Variants in SGMS2 observed in about 807,000 individuals in gnomAD.
SGMS2 encodes the protein phosphatidylcholine:ceramide cholinephosphotransferase 2.
A neutral mutation model predicts 43.8 loss-of-function variants in SGMS2; 21 were observed. The observed-to-expected ratio is 0.48, with a 90% CI of 0.34 to 0.69. SGMS2 has a LOEUF of 0.69. Among genes scored for constraint, SGMS2 ranks in the 30% least tolerant of loss-of-function variants. The probability of loss-of-function intolerance (pLI) is 0.01; values close to 1 mark genes in which losing one functional copy is unlikely to be tolerated. For missense variants in SGMS2, 384 were observed against 443.2 expected (o/e 0.87, Z 1.20); for synonymous variants, 167 against 160.6 (o/e 1.04, Z -0.30).
intron 4 of SGMS2, among the ~76,000 whole-genome samples, chr4:107,900,256 G>A (rs1731008962): frequency 6.6e-6 from 1 of 152,134 alleles, no homozygotes; most frequent in East Asian, 1.9e-4. Flanking sequence ...CCATGTGGAC[G>A]GCATGAGAGC....
chr4:107,894,894 G>GT (rs1287423507), intron 2 of SGMS2, among the ~76,000 whole-genome samples: 1 of 152,138 alleles, frequency 6.6e-6, no homozygotes, highest in African/African-American at 2.4e-5. Context: ...CCTCTTACCA[G>GT]TTTTTTATTC....
At chr4:107,828,435 G>T (rs1430911969) in intron 1 of SGMS2, among the ~76,000 whole-genome samples, 1 of 152,158 alleles carries the variant, frequency 6.6e-6, no homozygotes, top group Non-Finnish European at 1.5e-5. Context: ...CTACAAAAAT[G>T]GGTTCATTCT....
rs574825034 is a variant in SGMS2, at chr4:107,849,465, C to T, written c.-326-9007C>T. Among the ~76,000 whole-genome samples, 16 of 152,048 alleles carry T rather than the reference C, an allele frequency of 1.1e-4. No homozygotes were observed. In the East Asian group the frequency reaches 1.2e-3, roughly 11 times the overall value. On this transcript the variant is annotated intron_variant, in intron 1 of 6. Transcript: ENST00000690982. The stretch of plus-strand genomic sequence containing the variant: ...CTTGTAGCTGTTGTATTGGACAGTC[C>T]GGCAATAGAAAGTCAGAACAAATTT...
At chr4:107,847,238 T>C (rs1181335627) in intron 1 of SGMS2, among the ~76,000 whole-genome samples, 10 of 152,188 alleles carry the variant, frequency 6.6e-5, no homozygotes, top group Admixed American at 1.3e-4. Context: ...AGGGTTTTTA[T>C]GGTTTTAGGT....
Position 107,910,630 on chromosome 4 carries a change from T to A in SGMS2, c.*77T>A. 1 of 1,373,042 alleles carries A rather than the reference T, an allele frequency of 7.3e-7. No individual in the cohort carries two copies. The highest frequency in any genetic ancestry group is 9.9e-7 in the Non-Finnish European group (1 of 1,008,594). 85.1% of individuals were successfully genotyped at this position (1,373,042 alleles called of 1,614,324 possible). A position where few individuals can be genotyped will look rare whatever the true frequency, so the allele number is the denominator to read the frequency against. On this transcript the variant is annotated 3_prime_UTR_variant, in exon 7 of 7. Coordinates refer to ENST00000690982, the MANE Select transcript of SGMS2 (RefSeq NM_001375905.1). ...CAAAGGTATAGTTTTGTTTTTTATT[T>A]TAGGAGAACTGACTGGTAAATGAAG...
intron 3 of SGMS2, among the ~76,000 whole-genome samples, chr4:107,896,528 T>C (rs1237383922): frequency 6.6e-6 from 1 of 152,126 alleles, no homozygotes; most frequent in African/African-American, 2.4e-5. Context: ...TGTGTGGATG[T>C]GGTTTCGGTT....
chr4:107,904,098 C>T lies in SGMS2; in HGVS notation c.727+712C>T, dbSNP rs1166609441. On this transcript the variant is annotated intron_variant, in intron 5 of 6. Coordinates refer to ENST00000690982, the MANE Select transcript of SGMS2 (RefSeq NM_001375905.1). ...TTGTAGGGTTGTACTGTTTTAGCTG[C>T]CCAGTAGGTCTCATTTTTATATATT... 3.3e-5 allele frequency among the ~76,000 whole-genome samples: 5 copies of T among 152,070 alleles called. No homozygotes were observed. The East Asian group carries it at 9.6e-4, about 29-fold the overall frequency.
chr4:107,905,758 C>T (rs1731502894), intron 5 of SGMS2, among the ~76,000 whole-genome samples: 1 of 152,196 alleles, frequency 6.6e-6, no homozygotes, highest in Non-Finnish European at 1.5e-5. Flanking sequence ...GAATAGTCTA[C>T]TTATCTATAA....
At chr4:107,909,875 C>A (rs975997940) in intron 6 of SGMS2, among the ~76,000 whole-genome samples, 15 of 152,272 alleles carry the variant, frequency 9.9e-5, no homozygotes, top group African/African-American at 3.6e-4. Flanking sequence ...TACTTTATTT[C>A]TCTTTGTAGC....
intron 2 of SGMS2, chr4:107,873,574 ATAT>A (rs1429965442): frequency 6.6e-6 from 1 of 151,684 alleles, no homozygotes; most frequent in Non-Finnish European, 1.5e-5. Flanking sequence ...TATATTTTAT[ATAT>A]TATTAATCTA....
intron 2 of SGMS2, among the ~76,000 whole-genome samples, chr4:107,874,949 A>G (rs192251705): frequency 3.3e-5 from 5 of 152,186 alleles, no homozygotes; most frequent in East Asian, 1.9e-4. Context: ...GCAGAAGCCA[A>G]TCTCTGAAGC....
chr4:107,852,239 AT>A (rs982103122), intron 1 of SGMS2, among the ~76,000 whole-genome samples: 689 of 145,270 alleles, frequency 4.7e-3, no homozygotes, highest in Non-Finnish European at 6.0e-3. Context: ...CACCCAGCTA[AT>A]TTTTTTTTTT....
chr4:107,885,982 T>C (rs1729718852), intron 2 of SGMS2, among the ~76,000 whole-genome samples: 1 of 152,166 alleles, frequency 6.6e-6, no homozygotes, highest in South Asian at 2.1e-4. Flanking sequence ...CATAAAGCTA[T>C]ACTATATTCA....
chr4:107,909,471 A>G (rs1731924008), intron 6 of SGMS2, among the ~76,000 whole-genome samples: 1 of 152,150 alleles, frequency 6.6e-6, no homozygotes, highest in Non-Finnish European at 1.5e-5. Context: ...TGGATTTGGT[A>G]TATCCTCTGG....
At chr4:107,824,802 C>G (rs764280695), upstream of SGMS2, 1 of 152,276 alleles carries the variant, frequency 6.6e-6, no homozygotes, top group Non-Finnish European at 1.5e-5. Context: ...GGGTGAGTCA[C>G]TGTTTGGAAA....
chr4:107,908,110 A>T (rs1052144836), intron 5 of SGMS2: 1 of 157,930 alleles, frequency 6.3e-6, no homozygotes, highest in Admixed American at 6.1e-5. Context: ...GAGAAATAAT[A>T]TAAATTTAAA....
chr4:107,841,718 C>G (rs949525502), intron 1 of SGMS2, among the ~76,000 whole-genome samples: 9 of 151,822 alleles, frequency 5.9e-5, no homozygotes, highest in Non-Finnish European at 1.2e-4. Context: ...GGCTGGAGTA[C>G]TGTGGTGCAA....
intron 1 of SGMS2, among the ~76,000 whole-genome samples, chr4:107,836,643 A>G (rs972967665): frequency 2.6e-5 from 4 of 152,144 alleles, no homozygotes; most frequent in South Asian, 2.1e-4. Flanking sequence ...CTTGTCCACC[A>G]TCATCTTTAC....
At chr4:107,850,425 T>C (rs1246600211) in intron 1 of SGMS2, among the ~76,000 whole-genome samples, 1 of 152,228 alleles carries the variant, frequency 6.6e-6, no homozygotes, top group African/African-American at 2.4e-5. Context: ...TAAGCCTTTT[T>C]GGAAAGATAA....
Sources: allele counts gnomAD v4.1 joint callset (sites outside exome capture counted in the v4.1 genomes callset), GRCh38; gene constraint gnomAD v4.1.1; transcripts MANE v1.5; gene names NCBI Gene and HGNC (gene_info 2026-07-23, HGNC 2026-07-21).